CHFR: variants seen among roughly 807,000 people sequenced by gnomAD.
The protein encoded by CHFR is E3 ubiquitin-protein ligase CHFR.
CHFR carries 57 observed loss-of-function variants against 87.6 expected under a neutral mutation model. That is an observed-to-expected ratio of 0.65 (90% CI 0.53 to 0.81). CHFR has a LOEUF of 0.81. Among genes scored for constraint, CHFR ranks in the 30% least tolerant of loss-of-function variants. CHFR has a pLI of 0.00. For synonymous variants in CHFR, 381 were observed against 359.2 expected (o/e 1.06, Z -0.69); for missense variants, 797 against 865.8 (o/e 0.92, Z 1.00).
chr12:132,835,738 G>A lies in CHFR; in HGVS notation c.*5816C>T. On this transcript the variant is annotated 3_prime_UTR_variant, in exon 18 of 18. Transcript: ENST00000450056. Reference sequence around the variant, plus strand: ...TGTTCTGCGGCGTTTTGATCCAGCGGCCCAAGTGGACCCACATTCAAGGCC... The same window carrying A: ...TGTTCTGCGGCGTTTTGATCCAGCGACCCAAGTGGACCCACATTCAAGGCC... The A allele has an allele frequency of 7.6e-6, 2 of 261,490 alleles. No individual in the cohort carries two copies. The highest frequency in any genetic ancestry group is 3.3e-5 in the South Asian group (1 of 30,160). 16.2% of individuals were successfully genotyped at this position (261,490 alleles called of 1,614,324 possible).
chr12:132,855,751 G>A (rs750100419), intron 10 of CHFR, among the ~76,000 whole-genome samples: 1 of 152,184 alleles, frequency 6.6e-6, no homozygotes, highest in Non-Finnish European at 1.5e-5. Context: ...GCTGGGTAGA[G>A]GCAGCAAAAT....
rs1436782309 is a variant in CHFR at position 132,846,824 on chromosome 12, G to A, written c.1735+219C>T. Among the ~76,000 whole-genome samples the A allele has an allele frequency of 2.0e-5, 3 of 152,292 alleles. No individual in the cohort carries two copies. The East Asian group carries it at 5.8e-4, about 29-fold the overall frequency. Reference sequence around the variant, plus strand: ...GAACCCAGGAGGCCGAGGGGGCCTTGAGCTGAGATCATGCCACTGCACTCC... The same window carrying A: ...GAACCCAGGAGGCCGAGGGGGCCTTAAGCTGAGATCATGCCACTGCACTCC... On this transcript the variant is annotated intron_variant, in intron 15 of 17. Coordinates refer to ENST00000450056, the MANE Select transcript of CHFR (RefSeq NM_001161346.2).
At chr12:132,886,206 G>C (rs184540886) in intron 2 of CHFR, among the ~76,000 whole-genome samples, 5 of 152,244 alleles carry the variant, frequency 3.3e-5, no homozygotes, top group East Asian at 3.9e-4. Flanking sequence ...CAGCTACTCC[G>C]AGGCTGAGGC....
intron 15 of CHFR, among the ~76,000 whole-genome samples, chr12:132,845,819 C>T (rs1950810039): frequency 1.3e-5 from 2 of 152,148 alleles, no homozygotes; most frequent in Admixed American, 6.6e-5. Context: ...TCTGGATAGA[C>T]AAGTGGTAGA....
intron 10 of CHFR, among the ~76,000 whole-genome samples, chr12:132,855,475 G>A (rs1014434686): frequency 2.6e-5 from 4 of 151,316 alleles, no homozygotes; most frequent in African/African-American, 9.7e-5. Context: ...GGCCATCCTG[G>A]CCAATGTGGT....
intron 4 of CHFR, 65 bp downstream of exon 4, chr12:132,872,220 T>C (rs1234568474): frequency 1.0e-6 from 1 of 1,000,222 alleles, no homozygotes; most frequent in Non-Finnish European, 1.6e-6. Context: ...GGAGGAACGT[T>C]CAGAGAGCGC....
At position 132,841,179 on chromosome 12, in the gene CHFR, C is replaced by A; in HGVS notation, c.*375G>T. 5.1e-6 allele frequency: 1 copy of A among 196,478 alleles called. No homozygotes were observed. Among genetic ancestry groups the A allele is most frequent in the Non-Finnish European group, 1.0e-5 (1 of 95,764 alleles). 12.2% of individuals were successfully genotyped at this position (196,478 alleles called of 1,614,324 possible). A position where few individuals can be genotyped will look rare whatever the true frequency, so the allele number is the denominator to read the frequency against. On this transcript the variant is annotated 3_prime_UTR_variant, in exon 18 of 18. Transcript: ENST00000450056. The stretch of plus-strand genomic sequence containing the variant: ...TGAAACAATGTTTTTGATAAACTTG[C>A]CCTTCTCCCTTGAAACTTTTCCTAA...
intron 2 of CHFR, among the ~76,000 whole-genome samples, chr12:132,881,472 C>A (rs1328053225): frequency 6.6e-6 from 1 of 152,068 alleles, no homozygotes; most frequent in Non-Finnish European, 1.5e-5. Context: ...ATATGGATGG[C>A]AAATTAAGCA....
intron 11 of CHFR, among the ~76,000 whole-genome samples, chr12:132,852,735 C>T (rs1379487147): frequency 6.6e-6 from 1 of 152,360 alleles, no homozygotes; most frequent in South Asian, 2.1e-4. Flanking sequence ...TTTGTCCGTT[C>T]CGTCCACGGG....
At chr12:132,886,076 C>A (rs1167103286) in intron 2 of CHFR, among the ~76,000 whole-genome samples, 1 of 152,164 alleles carries the variant, frequency 6.6e-6, no homozygotes, top group Non-Finnish European at 1.5e-5. Context: ...CTTTCGGAGG[C>A]CGAAGCAGGT....
intron 2 of CHFR, among the ~76,000 whole-genome samples, chr12:132,882,276 G>C (rs1474049788): frequency 6.6e-6 from 1 of 152,182 alleles, no homozygotes; most frequent in African/African-American, 2.4e-5. Flanking sequence ...AGGCGCAGAA[G>C]ATGATGGCAG....
Position 132,841,452 on chromosome 12 carries a change from C to T in CHFR, c.*102G>A. ...CCTGTCGGAGACCCTGCGTCCCTTC[C>T]CTCAGGGGGCTGTGAAAACACCTTG... On this transcript the variant is annotated 3_prime_UTR_variant, in exon 18 of 18. Coordinates refer to ENST00000450056, the MANE Select transcript of CHFR (RefSeq NM_001161346.2). The T allele has an allele frequency of 9.7e-7, 1 of 1,035,530 alleles. No homozygotes were observed. Among genetic ancestry groups the T allele is most frequent in the South Asian group, 1.3e-5 (1 of 78,956 alleles). 64.1% of individuals were successfully genotyped at this position (1,035,530 alleles called of 1,614,324 possible). A position where few individuals can be genotyped will look rare whatever the true frequency, so the allele number is the denominator to read the frequency against.
chr12:132,885,419 TATAAATAAATAA>T (rs141735852), intron 2 of CHFR, among the ~76,000 whole-genome samples: 66 of 146,622 alleles, frequency 4.5e-4, no homozygotes, highest in Admixed American at 1.4e-3. Flanking sequence ...TCAAAAAATA[TATAAATAAATAA>T]ATAAATAAAT....
chr12:132,846,291 C>A (rs1355280030), intron 15 of CHFR, among the ~76,000 whole-genome samples: 1 of 134,718 alleles, frequency 7.4e-6, no homozygotes, highest in Non-Finnish European at 1.6e-5. Flanking sequence ...GAGACGGAGT[C>A]TCGCTCTGTC....
chr12:132,857,305 C>G (rs1196185155), intron 9 of CHFR, 100 bp downstream of exon 9: 1 of 1,284,076 alleles, frequency 7.8e-7, no homozygotes, highest in South Asian at 1.4e-5. Context: ...ACAGCCCTCA[C>G]GTGCCCGGGT....
Position 132,837,019 on chromosome 12 carries a change from A to G in CHFR, c.*4535T>C. 2.8e-6 allele frequency: 1 copy of G among 352,742 alleles called. No individual in the cohort carries two copies. Among genetic ancestry groups the G allele is most frequent in the Non-Finnish European group, 5.6e-6 (1 of 179,720 alleles). 21.9% of individuals were successfully genotyped at this position (352,742 alleles called of 1,614,324 possible). A position where few individuals can be genotyped will look rare whatever the true frequency, so the allele number is the denominator to read the frequency against. ...CTAGACTGGCTGGCGGGGTGGGGGCAGCCCTGCAGGAGCTGAATGAGGAGA... is the reference window on the plus strand; with the variant it reads ...CTAGACTGGCTGGCGGGGTGGGGGCGGCCCTGCAGGAGCTGAATGAGGAGA... On this transcript the variant is annotated 3_prime_UTR_variant, in exon 18 of 18. Coordinates refer to ENST00000450056, the MANE Select transcript of CHFR (RefSeq NM_001161346.2).
chr12:132,879,521 G>A (rs1951717861), intron 2 of CHFR, among the ~76,000 whole-genome samples: 1 of 151,938 alleles, frequency 6.6e-6, no homozygotes. Flanking sequence ...CTCCTGAGTA[G>A]CTGGGATTAC....
In CHFR at chr12:132,838,910, G is replaced by T. The variant is rs1241038347; in HGVS notation, c.*2644C>A. 6.6e-6 allele frequency: 1 copy of T among 152,518 alleles called. No individual in the cohort carries two copies. Among genetic ancestry groups the T allele is most frequent in the Non-Finnish European group, 1.5e-5 (1 of 68,214 alleles). The allele number at this position is 152,518 out of a possible 1,614,324, so 9.4% of individuals were successfully genotyped here. A position where few individuals can be genotyped will look rare whatever the true frequency, so the allele number is the denominator to read the frequency against. ...TAAAACACGGCTCCTTACCACGCTGGGAGGATAACTGCCCTGCTCCCAAGG... is the reference window on the plus strand; with the variant it reads ...TAAAACACGGCTCCTTACCACGCTGTGAGGATAACTGCCCTGCTCCCAAGG... On this transcript the variant is annotated 3_prime_UTR_variant, in exon 18 of 18. Coordinates refer to ENST00000450056, the MANE Select transcript of CHFR (RefSeq NM_001161346.2).
At chr12:132,854,247 T>C (rs2136954076) in intron 10 of CHFR, 1 of 151,850 alleles carries the variant, frequency 6.6e-6, no homozygotes, top group East Asian at 1.9e-4. Context: ...GATTACCTAC[T>C]TCTCCTTCTA....
Sources: allele counts gnomAD v4.1 joint callset (sites outside exome capture counted in the v4.1 genomes callset), GRCh38; gene constraint gnomAD v4.1.1; transcripts MANE v1.5; gene names NCBI Gene and HGNC (gene_info 2026-07-23, HGNC 2026-07-21).